The following PTPRD variants were observed in gnomAD, a reference collection of about 807,000 sequenced individuals.
The protein encoded by PTPRD is receptor-type tyrosine-protein phosphatase delta.
In PTPRD, 34 loss-of-function variants were observed where a neutral mutation model predicts 214.5. That is an observed-to-expected ratio of 0.16 (90% CI 0.12 to 0.21). The LOEUF (loss-of-function observed/expected upper bound fraction) is 0.21. PTPRD is among the 10% of genes least tolerant of loss of function. PTPRD has a pLI of 1.00. For synonymous variants in PTPRD, 1,128 were observed against 845.7 expected (o/e 1.33, Z -5.79); for missense variants, 2,545 against 2,398.7 (o/e 1.06, Z -1.27).
intron 4 of PTPRD, among the ~76,000 whole-genome samples, chr9:9,985,437 T>G (rs1053177203): frequency 1.3e-5 from 2 of 152,192 alleles, no homozygotes; most frequent in Non-Finnish European, 2.9e-5. Context: ...TTTTAAATTA[T>G]TTTATTTACA....
chr9:10,004,805 T>C (rs1444567472), intron 4 of PTPRD, among the ~76,000 whole-genome samples: 2 of 152,134 alleles, frequency 1.3e-5, no homozygotes, highest in South Asian at 2.1e-4. Context: ...CAATAAATAA[T>C]GCAACTCAAC....
chr9:10,536,179 A>C (rs142567576), intron 2 of PTPRD, among the ~76,000 whole-genome samples: 2 of 152,236 alleles, frequency 1.3e-5, no homozygotes, highest in East Asian at 3.9e-4. Flanking sequence ...GAAACTCCAA[A>C]TATTACTGTG....
intron 2 of PTPRD, among the ~76,000 whole-genome samples, chr9:10,442,985 G>A (rs115138931): frequency 1.4e-3 from 204 of 151,074 alleles, no homozygotes; most frequent in African/African-American, 4.9e-3. Context: ...ATTCTTTTGA[G>A]GGATCAAGTA....
chr9:9,528,472 T>A (rs1035792403), intron 8 of PTPRD, among the ~76,000 whole-genome samples: 5 of 152,042 alleles, frequency 3.3e-5, no homozygotes, highest in African/African-American at 1.2e-4. Flanking sequence ...AAAAAAAGAT[T>A]GATAACAATG....
At chr9:8,510,265 C>T (rs2097650738) in intron 21 of PTPRD, among the ~76,000 whole-genome samples, 2 of 152,056 alleles carry the variant, frequency 1.3e-5, no homozygotes, top group African/African-American at 4.8e-5. Context: ...GCACACCACC[C>T]TGGATGACAG....
intron 5 of PTPRD, among the ~76,000 whole-genome samples, chr9:9,805,278 C>T (rs57345147): frequency 0.017 from 2,623 of 152,028 alleles, 66 homozygotes; most frequent in African/African-American, 0.06. Flanking sequence ...TTGCCTAGTG[C>T]CCTTTGTTTG....
At chr9:8,969,531 T>C (rs541399122) in intron 11 of PTPRD, among the ~76,000 whole-genome samples, 1 of 152,144 alleles carries the variant, frequency 6.6e-6, no homozygotes, top group African/African-American at 2.4e-5. Context: ...AAAGGTAACA[T>C]ACATCCAGCA....
chr9:9,019,312 GA>G (rs770749545), intron 10 of PTPRD, among the ~76,000 whole-genome samples: 24 of 109,668 alleles, frequency 2.2e-4, no homozygotes, highest in Admixed American at 5.4e-4. Context: ...AAGAAAGAAA[GA>G]AAGAAAGAAA....
intron 9 of PTPRD, among the ~76,000 whole-genome samples, chr9:9,286,362 C>G (rs1481929173): frequency 6.6e-6 from 1 of 151,778 alleles, no homozygotes; most frequent in Non-Finnish European, 1.5e-5. Context: ...AAAGACTAAA[C>G]CTCCTAGCAT....
At chr9:9,663,480 C>A (rs1733078878) in intron 7 of PTPRD, among the ~76,000 whole-genome samples, 1 of 151,474 alleles carries the variant, frequency 6.6e-6, no homozygotes, top group Non-Finnish European at 1.5e-5. Flanking sequence ...TTATCCACTT[C>A]ACTTTTTTGT....
intron 2 of PTPRD, among the ~76,000 whole-genome samples, chr9:10,433,012 T>C (rs2098693385): frequency 6.6e-6 from 1 of 151,946 alleles, no homozygotes; most frequent in Non-Finnish European, 1.5e-5. Context: ...GTTACTAATA[T>C]AGCTCCTCCT....
chr9:8,934,448 A>T (rs77835023), intron 11 of PTPRD, among the ~76,000 whole-genome samples: 289 of 14,512 alleles, frequency 0.02, 15 homozygotes, highest in Non-Finnish European at 0.031. Context: ...TATATATATA[A>T]ATTTATATAT....
chr9:8,652,439 G>C (rs2096831385), intron 12 of PTPRD, among the ~76,000 whole-genome samples: 1 of 152,190 alleles, frequency 6.6e-6, no homozygotes, highest in Non-Finnish European at 1.5e-5. Flanking sequence ...GCTGACAGCT[G>C]ATGGGCCCAG....
intron 9 of PTPRD, among the ~76,000 whole-genome samples, chr9:9,295,277 T>G (rs1263423673): frequency 6.6e-6 from 1 of 151,734 alleles, no homozygotes; most frequent in Non-Finnish European, 1.5e-5. Context: ...GGAGGTAAAA[T>G]TATATCAGAA....
intron 36 of PTPRD, among the ~76,000 whole-genome samples, chr9:8,402,532 G>A (rs1485389738): frequency 2.0e-5 from 3 of 152,092 alleles, no homozygotes; most frequent in East Asian, 1.9e-4. Context: ...TTCCCCAGGC[G>A]AGACCATGCC....
At chr9:10,318,793 G>C (rs539290356) in intron 3 of PTPRD, among the ~76,000 whole-genome samples, 149 of 152,060 alleles carry the variant, frequency 9.8e-4, no homozygotes, top group African/African-American at 3.4e-3. Context: ...GTCTTTAATG[G>C]GAACACTGCT....
chr9:10,523,111 T>C (rs117745817), intron 2 of PTPRD, among the ~76,000 whole-genome samples: 3,116 of 152,180 alleles, frequency 0.02, 66 homozygotes, highest in South Asian at 0.13. Flanking sequence ...AATTTCTCTG[T>C]GGTTGAAAAA....
intron 7 of PTPRD, among the ~76,000 whole-genome samples, chr9:9,716,597 A>G (rs1430760566): frequency 6.6e-6 from 1 of 152,120 alleles, no homozygotes; most frequent in Non-Finnish European, 1.5e-5. Context: ...CATTTCTCTG[A>G]TGGCCAGTGA....
chr9:10,198,791 T>C (rs887618055), intron 3 of PTPRD, among the ~76,000 whole-genome samples: 1 of 152,124 alleles, frequency 6.6e-6, no homozygotes, highest in Non-Finnish European at 1.5e-5. Context: ...TATTTTATCA[T>C]ATGTTTCTTT....
Sources: gnomAD v4.1 joint callset for allele counts (sites outside exome capture counted in the v4.1 genomes callset) on GRCh38, gnomAD v4.1.1 for gene constraint, MANE v1.5 for transcripts, NCBI Gene and HGNC (gene_info 2026-07-23, HGNC 2026-07-21) for gene names.